Variants in PWWP2A observed in about 807,000 individuals in gnomAD.
PWWP2A encodes PWWP domain-containing protein 2A.
In PWWP2A, 18 loss-of-function variants were observed where a neutral mutation model predicts 48.5. That is an observed-to-expected ratio of 0.37 (90% CI 0.26 to 0.55). The LOEUF is 0.55. Ranked by LOEUF, PWWP2A falls within the 20% of genes least tolerant of loss-of-function variation. The pLI is 0.81. For synonymous variants in PWWP2A, 396 were observed against 387.7 expected, an observed-to-expected ratio of 1.02 and a Z score of -0.25; for missense variants, 867 against 976.4, an observed-to-expected ratio of 0.89 and a Z score of 1.49.
chr5:160,049,689 T>C, the PWWP2A span: 1 of 1,505,126 alleles, frequency 6.6e-7, no homozygotes, highest in Non-Finnish European at 8.9e-7. Context: ...TAAAAATATT[T>C]TTCCTTCTAT....
chr5:160,045,181 A>G, the PWWP2A span, among the ~76,000 whole-genome samples: 4 of 152,236 alleles, frequency 2.6e-5, no homozygotes, highest in South Asian at 8.3e-4. Context: ...CGTGATTAGC[A>G]TGGTATGTTG....
intron 1 of PWWP2A, 95 bp downstream of exon 1, chr5:160,118,710 C>CGGGGAAGCGAGGGCTCGGGGAGAG (rs1193198478): frequency 2.5e-6 from 3 of 1,224,104 alleles, no homozygotes; most frequent in East Asian, 6.4e-5. Context: ...CCCCGGGCAG[C>CGGGGAAGCGAGGGCTCGGGGAGAG]GGGGAAGCGA....
In PWWP2A at chr5:160,078,254, T is replaced by C. The variant is rs1753990441; in HGVS notation, c.1670-86A>G. On this transcript the variant is annotated intron_variant, in intron 3 of 3. Coordinates refer to the PWWP2A transcript ENST00000456329. The surrounding 1 kb of genome is among the most constrained non-coding windows in gnomAD (Gnocchi z 4.2). ...AATGATGTCCTTGTTGTTTAAGCCC[T>C]ACATAGATTGTGGGATCACACCTGA... 4 of 1,122,024 alleles carry C rather than the reference T, an allele frequency of 3.6e-6. No homozygotes were observed. The highest frequency in any genetic ancestry group is 3.1e-5 in the African/African-American group (2 of 64,328). 69.5% of individuals were successfully genotyped at this position (1,122,024 alleles called of 1,614,324 possible).
At chr5:160,062,500 A>G (rs1341339471) in intron 5 of PWWP2A, among the ~76,000 whole-genome samples, 1 of 152,208 alleles carries the variant, frequency 6.6e-6, no homozygotes, top group East Asian at 1.9e-4. Flanking sequence ...TAGACTGAGC[A>G]TTGTGCATAG....
At chr5:160,064,183 G>A (rs1401741483) in intron 4 of PWWP2A, among the ~76,000 whole-genome samples, 2 of 152,038 alleles carry the variant, frequency 1.3e-5, no homozygotes, top group East Asian at 3.9e-4. Context: ...TGGCCAGGCT[G>A]GTCTCGAACT....
chr5:160,076,693 T>A (rs1007343848), exon 4 of PWWP2A: 3 of 152,204 alleles, frequency 2.0e-5, no homozygotes, highest in Non-Finnish European at 2.9e-5. Context: ...ATTAAATGTT[T>A]TAAAACTCAC....
At chr5:160,068,562 G>A (rs1330771628) in intron 2 of PWWP2A, among the ~76,000 whole-genome samples, 4 of 152,232 alleles carry the variant, frequency 2.6e-5, no homozygotes, top group Non-Finnish European at 5.9e-5. Context: ...TCGTGCCACT[G>A]CACTCCAGCT....
chr5:160,063,374 C>A (rs1311637438), intron 5 of PWWP2A, among the ~76,000 whole-genome samples: 2 of 152,118 alleles, frequency 1.3e-5, no homozygotes, highest in Non-Finnish European at 2.9e-5. Context: ...TGCCACCACA[C>A]CTAGCTAATT....
chr5:160,045,510 A>T, the PWWP2A span, among the ~76,000 whole-genome samples: 15 of 58,566 alleles, frequency 2.6e-4, no homozygotes, highest in Admixed American at 5.1e-4. Context: ...ACACACACAC[A>T]CACATACACA....
At chr5:160,066,201 C>T (rs1000077920) in intron 4 of PWWP2A, among the ~76,000 whole-genome samples, 1 of 150,680 alleles carries the variant, frequency 6.6e-6, no homozygotes, top group Non-Finnish European at 1.5e-5. Context: ...AAAAATCACA[C>T]AAGTTGTATG....
intron 2 of PWWP2A, among the ~76,000 whole-genome samples, chr5:160,070,642 C>G (rs1230154837): frequency 6.6e-6 from 1 of 152,096 alleles, no homozygotes; most frequent in African/African-American, 2.4e-5. Flanking sequence ...CTTAAGGAGA[C>G]AGTGTTATAC....
chr5:160,082,804 G>A (rs1488430132), intron 2 of PWWP2A, among the ~76,000 whole-genome samples: 2 of 152,166 alleles, frequency 1.3e-5, no homozygotes, highest in Non-Finnish European at 2.9e-5. Flanking sequence ...GCAGTAAGTG[G>A]AGGGAGAGAC....
chr5:160,105,677 CTAA>C (rs1756820236), intron 1 of PWWP2A: 9 of 979,078 alleles, frequency 9.2e-6, no homozygotes, highest in Non-Finnish European at 9.7e-6. Context: ...GCCCCAGGTG[CTAA>C]TGAGAGAAAG....
At chr5:160,053,292 T>C in the PWWP2A span, among the ~76,000 whole-genome samples, 3 of 152,204 alleles carry the variant, frequency 2.0e-5, no homozygotes, top group African/African-American at 7.2e-5. Flanking sequence ...GTTAAAAATT[T>C]TTTAAATTGG....
intron 1 of PWWP2A, among the ~76,000 whole-genome samples, chr5:160,102,876 A>G (rs1254129586): frequency 6.6e-6 from 1 of 152,246 alleles, no homozygotes; most frequent in African/African-American, 2.4e-5. Context: ...ATTATATTGC[A>G]AGTAAATGTA....
At chr5:160,081,562 A>G (rs1339562798) in intron 2 of PWWP2A, among the ~76,000 whole-genome samples, 2 of 152,110 alleles carry the variant, frequency 1.3e-5, no homozygotes, top group African/African-American at 4.8e-5. Context: ...TTTTAGCAAA[A>G]TGACCAAAAA....
rs1356701550 is a variant in PWWP2A at position 160,082,288 on chromosome 5, C to CA, written c.1550-1519dup. Among the ~76,000 whole-genome samples the CA allele has an allele frequency of 2.6e-5, 4 of 151,698 alleles. No homozygotes were observed. In the East Asian group the frequency reaches 7.8e-4, roughly 30 times the overall value. Reference sequence around the variant, plus strand: ...TGAAACCCCGTCTCTACTAAAAATACAAAAAATTAGCCGGGCGTGGTAGCG... The same window carrying CA: ...TGAAACCCCGTCTCTACTAAAAATACAAAAAAATTAGCCGGGCGTGGTAGCG... On this transcript the variant is annotated intron_variant, in intron 2 of 3. Transcript: ENST00000456329.
chr5:160,091,755 TC>T lies in PWWP2A; in HGVS notation c.*626del, dbSNP rs1419648712. The T allele has an allele frequency of 3.0e-6, 3 of 984,830 alleles. No homozygotes were observed. In the African/African-American group the frequency reaches 5.2e-5, roughly 17 times the overall value. 61.0% of individuals were successfully genotyped at this position (984,830 alleles called of 1,614,324 possible). ...TTTTAATCCCAAACACTGGGCTATT[TC>T]CCCAGTCTGTAACTGAATTGCAACC... On this transcript the variant is annotated 3_prime_UTR_variant, in exon 2 of 2. Transcript: ENST00000307063.
chr5:160,067,153 T>C (rs149544123), intron 2 of PWWP2A, among the ~76,000 whole-genome samples: 136 of 152,338 alleles, frequency 8.9e-4, no homozygotes, highest in African/African-American at 3.1e-3. Flanking sequence ...CATGGCTTGA[T>C]AGAGAACAGC....
Sources: gnomAD v4.1 joint callset for allele counts (sites outside exome capture counted in the v4.1 genomes callset) on GRCh38, gnomAD v4.1.1 for gene constraint, Gnocchi (gnomAD v3.1) non-coding constraint, MANE v1.5 for transcripts, NCBI Gene and HGNC (gene_info 2026-07-23, HGNC 2026-07-21) for gene names.